The following ANKRD30B variants were observed in gnomAD, a reference collection of about 807,000 sequenced individuals.
The protein encoded by ANKRD30B is ankyrin repeat domain 30B, also known as ankyrin repeat domain-containing protein 30B.
A neutral mutation model predicts 202.2 loss-of-function variants in ANKRD30B; 144 were observed. The ratio of observed to expected loss-of-function variants is 0.71; its 90% CI spans 0.62 to 0.82. The LOEUF is 0.82. Among genes scored for constraint, ANKRD30B ranks in the 40% least tolerant of loss-of-function variants. ANKRD30B has a pLI of 0.00. For synonymous variants in ANKRD30B, 508 were observed against 561.3 expected (o/e 0.91, Z 1.34); for missense variants, 1,487 against 1,669.1 (o/e 0.89, Z 1.90).
At position 14,815,456 on chromosome 18, in the gene ANKRD30B, CAG is replaced by C. The variant is rs1384167808; in HGVS notation, c.2641+747_2641+748del. ...GCTGATGCTGGTGGTCCTTGGACCT[CAG>C]ACTGAGTAGCAAGAGGAGAGGCCTT... On this transcript the variant is annotated intron_variant, in intron 30 of 43. Coordinates refer to ENST00000690538, the MANE Select transcript of ANKRD30B (RefSeq NM_001367607.2). Among the ~76,000 whole-genome samples, 7 of 152,146 alleles carry C rather than the reference CAG, an allele frequency of 4.6e-5. No individual in the cohort carries two copies. The East Asian group carries it at 1.2e-3, about 25-fold the overall frequency.
chr18:14,753,007 A>G lies in ANKRD30B; in HGVS notation c.505A>G (p.Asn169Asp). 1 of 1,589,240 alleles carries G rather than the reference A, an allele frequency of 6.3e-7. No individual in the cohort carries two copies. The highest frequency in any genetic ancestry group is 8.6e-7 in the Non-Finnish European group (1 of 1,167,500). ...LSYGAVIEVQ[N>D]KASLTPLLLA... ...CTATGGTGCAGTCATCGAGGTGCAAAACAAGGTAGACATTAACCAATGTTA... is the reference window on the plus strand; with the variant it reads ...CTATGGTGCAGTCATCGAGGTGCAAGACAAGGTAGACATTAACCAATGTTA... The change falls in exon 3 of 44, where the codon AAC (asparagine) becomes GAC (aspartate). Residue 169 changes from asparagine (N) to aspartate (D), a missense_variant. Coordinates refer to ENST00000690538, the MANE Select transcript of ANKRD30B (RefSeq NM_001367607.2).
downstream of ANKRD30B, among the ~76,000 whole-genome samples, chr18:14,855,413 G>A (rs1189138425): frequency 2.0e-5 from 3 of 152,194 alleles, no homozygotes; most frequent in Non-Finnish European, 4.4e-5. Flanking sequence ...CCCGATGGTG[G>A]CTGTCTCTTC....
At chr18:14,856,122 A>C (rs1188036400), downstream of ANKRD30B, among the ~76,000 whole-genome samples, 3 of 71,452 alleles carry the variant, frequency 4.2e-5, no homozygotes, top group African/African-American at 5.8e-5. Flanking sequence ...AGACGGGGAG[A>C]CCAGGAAGAG....
chr18:14,776,710 C>T (rs1004521687), intron 9 of ANKRD30B, among the ~76,000 whole-genome samples: 1 of 152,162 alleles, frequency 6.6e-6, no homozygotes, highest in South Asian at 2.1e-4. Flanking sequence ...TTTATGAAGG[C>T]TTGCTCTACT....
At chr18:14,792,948 G>A (rs565516800) in intron 16 of ANKRD30B, among the ~76,000 whole-genome samples, 5 of 152,088 alleles carry the variant, frequency 3.3e-5, no homozygotes, top group South Asian at 4.1e-4. Flanking sequence ...TTAAATTGTT[G>A]TTATTCATAG....
At chr18:14,767,009 C>T (rs770386149) in intron 7 of ANKRD30B, among the ~76,000 whole-genome samples, 11 of 152,018 alleles carry the variant, frequency 7.2e-5, no homozygotes, top group Non-Finnish European at 1.0e-4. Flanking sequence ...TTTCTGGTGT[C>T]GAAGAAAAAA....
intron 39 of ANKRD30B, among the ~76,000 whole-genome samples, chr18:14,846,865 C>T (rs527532781): frequency 1.1e-4 from 17 of 150,520 alleles, no homozygotes; most frequent in African/African-American, 3.2e-4. Flanking sequence ...CTTGTATATC[C>T]GTTCTGACAA....
chr18:14,888,928 A>G, the ANKRD30B span: 1 of 1,062,324 alleles, frequency 9.4e-7, no homozygotes, highest in Non-Finnish European at 1.3e-6. Context: ...ACAAACAAAC[A>G]TGTTCCAAAT....
chr18:14,913,610 C>T, the ANKRD30B span, among the ~76,000 whole-genome samples: 1 of 152,180 alleles, frequency 6.6e-6, no homozygotes, highest in Non-Finnish European at 1.5e-5. Flanking sequence ...GTGGCAAGCC[C>T]TTACAAAATG....
At chr18:14,824,139 T>G (rs1253515407) in intron 32 of ANKRD30B, among the ~76,000 whole-genome samples, 2 of 151,758 alleles carry the variant, frequency 1.3e-5, no homozygotes, top group African/African-American at 4.8e-5. Flanking sequence ...ATATTTTAGG[T>G]GTACTCAATA....
At chr18:14,846,193 T>C (rs1301264802) in intron 39 of ANKRD30B, among the ~76,000 whole-genome samples, 8 of 152,100 alleles carry the variant, frequency 5.3e-5, no homozygotes, top group Admixed American at 3.9e-4. Flanking sequence ...TTACAATATC[T>C]AATGTGCTGT....
At chr18:14,784,638 A>C in intron 14 of ANKRD30B, 103 bp downstream of exon 14, 3 of 1,318,792 alleles carry the variant, frequency 2.3e-6, no homozygotes, top group Non-Finnish European at 3.1e-6. Context: ...TTTGATGAAA[A>C]GATTTGATCT....
At chr18:14,927,783 A>G in the ANKRD30B span, among the ~76,000 whole-genome samples, 71 of 152,272 alleles carry the variant, frequency 4.7e-4, no homozygotes, top group African/African-American at 1.6e-3. Flanking sequence ...AGCTATCTCA[A>G]ATATATGCAG....
chr18:14,766,472 C>CAAAAAAAA (rs1168681924), intron 7 of ANKRD30B, among the ~76,000 whole-genome samples: 38 of 55,594 alleles, frequency 6.8e-4, no homozygotes, highest in Admixed American at 1.0e-3. Context: ...GACTCCATCT[C>CAAAAAAAA]AAAAAAAAAA....
At chr18:14,831,237 A>T (rs1970924427) in intron 33 of ANKRD30B, 146 bp from the exon 34 acceptor site, 1 of 490,956 alleles carries the variant, frequency 2.0e-6, no homozygotes, top group Non-Finnish European at 3.7e-6. Flanking sequence ...ATGCCAAGAA[A>T]CATGATTTAA....
the ANKRD30B span, among the ~76,000 whole-genome samples, chr18:14,903,209 T>A: frequency 3.2e-4 from 48 of 152,252 alleles, 1 homozygote; most frequent in Non-Finnish European, 5.3e-4. Flanking sequence ...CTTCACCCTC[T>A]GAAGGCTTGC....
chr18:14,860,190 A>G, the ANKRD30B span, among the ~76,000 whole-genome samples: 2 of 147,760 alleles, frequency 1.4e-5, no homozygotes, highest in South Asian at 2.2e-4. Flanking sequence ...CTCACCTCCC[A>G]GATGATGGGC....
the ANKRD30B span, among the ~76,000 whole-genome samples, chr18:14,900,385 T>C: frequency 6.6e-6 from 1 of 152,178 alleles, no homozygotes; most frequent in African/African-American, 2.4e-5. Context: ...GCTTTTTTTC[T>C]ACCCATTTGA....
chr18:14,785,608 A>G (rs1250448644), intron 14 of ANKRD30B, among the ~76,000 whole-genome samples: 1 of 152,234 alleles, frequency 6.6e-6, no homozygotes, highest in East Asian at 1.9e-4. Context: ...TGTGCCCCAC[A>G]GCTTCTTAGA....
Sources: gnomAD v4.1 joint callset for allele counts (sites outside exome capture counted in the v4.1 genomes callset) on GRCh38, gnomAD v4.1.1 for gene constraint, MANE v1.5 for transcripts, NCBI Gene and HGNC (gene_info 2026-07-23, HGNC 2026-07-21) for gene names.